ZMYM4: variants seen among roughly 807,000 people sequenced by gnomAD.
The protein encoded by ZMYM4 is zinc finger MYM-type containing 4.
Under a neutral mutation model 183.2 loss-of-function variants are expected in ZMYM4, and 31 were observed. The observed-to-expected ratio is 0.17, with a 90% CI of 0.13 to 0.23. The LOEUF (loss-of-function observed/expected upper bound fraction) is 0.23, where lower values mean the gene tolerates loss of function less well. Among genes scored for constraint, ZMYM4 ranks in the 10% least tolerant of loss-of-function variants. The pLI is 1.00. For synonymous variants in ZMYM4, 592 were observed against 631.2 expected, an observed-to-expected ratio of 0.94 and a Z score of 0.93; for missense variants, 1,273 against 1,840.3, an observed-to-expected ratio of 0.69 and a Z score of 5.64.
intron 27 of ZMYM4, among the ~76,000 whole-genome samples, chr1:35,414,664 A>T (rs1431861574): frequency 2.6e-5 from 4 of 152,244 alleles, no homozygotes; most frequent in Non-Finnish European, 5.9e-5. Flanking sequence ...CCTGTTTTGC[A>T]ATCTATGAGC....
chr1:35,308,647 G>C (rs375713970), intron 1 of ZMYM4, among the ~76,000 whole-genome samples: 12 of 152,264 alleles, frequency 7.9e-5, no homozygotes, highest in East Asian at 7.7e-4. Flanking sequence ...AATCACTTGA[G>C]CTCAGCAGTT....
chr1:35,373,817 G>T (rs1423240684), intron 7 of ZMYM4, among the ~76,000 whole-genome samples: 1 of 151,752 alleles, frequency 6.6e-6, no homozygotes, highest in Non-Finnish European at 1.5e-5. Flanking sequence ...GATTACAGGT[G>T]TGAGCCACCG....
chr1:35,325,499 G>A (rs769133205), intron 2 of ZMYM4, 94 bp downstream of exon 2: 2 of 1,244,228 alleles, frequency 1.6e-6, no homozygotes, highest in Non-Finnish European at 2.2e-6. Context: ...GTTTAGTTAG[G>A]GCTGATTTAT....
chr1:35,303,879 A>G (rs1243953825), intron 1 of ZMYM4, among the ~76,000 whole-genome samples: 1 of 151,864 alleles, frequency 6.6e-6, no homozygotes, highest in African/African-American at 2.4e-5. Context: ...AGTTATATCA[A>G]TAACTTATGG....
chr1:35,393,545 C>A, intron 17 of ZMYM4, 50 bp from the exon 18 acceptor site: 3 of 1,481,648 alleles, frequency 2.0e-6, no homozygotes, highest in Non-Finnish European at 1.8e-6. Context: ...CTTATAATTA[C>A]AATGAGATTT....
rs183311848 is a variant in ZMYM4 at position 35,294,843 on chromosome 1, A to G, written c.39+25758A>G. The stretch of plus-strand genomic sequence containing the variant: ...TTGACTACATTGAAAACATTGTCAC[A>G]TTTTGAAAAAGGTAAATGTCTTTGA... On this transcript the variant is annotated intron_variant, in intron 1 of 29. Coordinates refer to ENST00000314607, the MANE Select transcript of ZMYM4 (RefSeq NM_005095.3). Among the ~76,000 whole-genome samples, 238 of 152,388 alleles carry G rather than the reference A, an allele frequency of 1.6e-3. 1 individual carries two copies. Among genetic ancestry groups the G allele is most frequent in the Non-Finnish European group, 2.4e-3 (166 of 68,042 alleles).
In ZMYM4 at chr1:35,352,269, G is replaced by GCGCGCGCGCACA. The variant is rs1366886543; in HGVS notation, c.86-6655_86-6654insGCGCGCGCACAC. Reference sequence around the variant, plus strand: ...TAAAAATTAGCGCGCACGCGCGCGCGCACACACACACACACACACACACAC... The same window carrying GCGCGCGCGCACA: ...TAAAAATTAGCGCGCACGCGCGCGCGCGCGCGCGCACACACACACACACACACACACACACAC... On this transcript the variant is annotated intron_variant, in intron 2 of 29. Coordinates refer to ENST00000314607, the MANE Select transcript of ZMYM4 (RefSeq NM_005095.3). 8.0e-5 allele frequency among the ~76,000 whole-genome samples: 10 copies of GCGCGCGCGCACA among 124,582 alleles called. 1 individual carries two copies. The highest frequency in any genetic ancestry group is 3.3e-4 in the African/African-American group (10 of 30,110). 81.7% of individuals were successfully genotyped at this position (124,582 alleles called of 152,430 possible).
chr1:35,382,494 A>T (rs969269114), intron 9 of ZMYM4, among the ~76,000 whole-genome samples: 5 of 148,576 alleles, frequency 3.4e-5, no homozygotes, highest in African/African-American at 1.2e-4. Flanking sequence ...ACTGTCTCCC[A>T]GGCTGGAGTG....
intron 1 of ZMYM4, among the ~76,000 whole-genome samples, chr1:35,323,480 AG>A (rs896228018): frequency 2.0e-5 from 3 of 152,156 alleles, no homozygotes; most frequent in Non-Finnish European, 4.4e-5. Flanking sequence ...TTCTCAGTGT[AG>A]GCAGATGCTT....
chr1:35,342,696 GGTCTC>G (rs1643246906), intron 2 of ZMYM4, among the ~76,000 whole-genome samples: 4 of 151,680 alleles, frequency 2.6e-5, no homozygotes, highest in Admixed American at 6.6e-5. Flanking sequence ...GTTGAGACAG[GGTCTC>G]AGTCAGTTGC....
chr1:35,383,780 T>C (rs1460316444), intron 9 of ZMYM4, among the ~76,000 whole-genome samples: 1 of 152,220 alleles, frequency 6.6e-6, no homozygotes, highest in Non-Finnish European at 1.5e-5. Context: ...ATATCTGCTG[T>C]GGTAGAGAAA....
intron 5 of ZMYM4, among the ~76,000 whole-genome samples, chr1:35,367,056 T>C (rs1020482062): frequency 5.3e-5 from 8 of 151,934 alleles, no homozygotes; most frequent in Non-Finnish European, 1.0e-4. Flanking sequence ...GATTTAGATT[T>C]GATGCAATTC....
Position 35,322,941 on chromosome 1 carries a change from C to T in ZMYM4, c.40-2419C>T, listed in dbSNP as rs759828746. On this transcript the variant is annotated intron_variant, in intron 1 of 29. Coordinates refer to ENST00000314607, the MANE Select transcript of ZMYM4 (RefSeq NM_005095.3). ...TCCTGACCTTGTGATCCACCTGCCTCGGCCTCCCAAAGTGCTAGGATTACA... is the reference window on the plus strand; with the variant it reads ...TCCTGACCTTGTGATCCACCTGCCTTGGCCTCCCAAAGTGCTAGGATTACA... Among the ~76,000 whole-genome samples, 9 of 151,692 alleles carry T rather than the reference C, an allele frequency of 5.9e-5. No individual in the cohort carries two copies. The East Asian group carries it at 7.8e-4, about 13-fold the overall frequency.
At position 35,384,460 on chromosome 1, in the gene ZMYM4, G is replaced by T. The variant is rs192664267; in HGVS notation, c.1570-982G>T. On this transcript the variant is annotated intron_variant, in intron 9 of 29. Coordinates refer to ENST00000314607, the MANE Select transcript of ZMYM4 (RefSeq NM_005095.3). The stretch of plus-strand genomic sequence containing the variant: ...ACGTACTTTAAAAATTATCCTGAAT[G>T]TGTGACATGTTAATAATACTTAGCA... Among the ~76,000 whole-genome samples the T allele has an allele frequency of 5.9e-5, 9 of 152,298 alleles. No individual in the cohort carries two copies. In the East Asian group the frequency reaches 1.7e-3, roughly 29 times the overall value.
intron 23 of ZMYM4, among the ~76,000 whole-genome samples, chr1:35,401,862 A>G (rs540295728): frequency 2.6e-4 from 39 of 152,298 alleles, no homozygotes; most frequent in Admixed American, 2.3e-3. Context: ...GAAAAAGACT[A>G]TTCATTCCCC....
intron 15 of ZMYM4, 64 bp downstream of exon 15, chr1:35,390,162 C>T: frequency 7.8e-6 from 12 of 1,530,224 alleles, no homozygotes; most frequent in Non-Finnish European, 1.1e-5. Context: ...TGTTCTTTTA[C>T]AGATCAGGAA....
intron 2 of ZMYM4, among the ~76,000 whole-genome samples, chr1:35,358,284 T>C (rs905441000): frequency 6.6e-6 from 1 of 152,098 alleles, no homozygotes; most frequent in African/African-American, 2.4e-5. Flanking sequence ...GATTAGTATA[T>C]ATTAGTAGTT....
At chr1:35,310,051 C>G (rs1242983993) in intron 1 of ZMYM4, among the ~76,000 whole-genome samples, 1 of 151,634 alleles carries the variant, frequency 6.6e-6, no homozygotes, top group Non-Finnish European at 1.5e-5. Flanking sequence ...TGCCTCAGGC[C>G]TCCTCAGTAG....
At chr1:35,287,322 C>T (rs1640552730) in intron 1 of ZMYM4, among the ~76,000 whole-genome samples, 1 of 151,772 alleles carries the variant, frequency 6.6e-6, no homozygotes, top group South Asian at 2.1e-4. Flanking sequence ...CTTCCTTGGC[C>T]TCCCAAAGTG....
Sources: gnomAD v4.1 joint callset for allele counts (sites outside exome capture counted in the v4.1 genomes callset) on GRCh38, gnomAD v4.1.1 for gene constraint, MANE v1.5 for transcripts, NCBI Gene and HGNC (gene_info 2026-07-23, HGNC 2026-07-21) for gene names.